The following ERLIN2 variants were observed in gnomAD, a reference collection of about 807,000 sequenced individuals.
ERLIN2 encodes the protein ER lipid raft associated 2.
Under a neutral mutation model 41.5 loss-of-function variants are expected in ERLIN2, and 22 were observed. The observed-to-expected ratio is 0.53, with a 90% CI of 0.38 to 0.76. ERLIN2 has a LOEUF of 0.76. Among genes scored for constraint, ERLIN2 ranks in the 30% least tolerant of loss-of-function variants. The pLI, the probability that ERLIN2 is intolerant of heterozygous loss-of-function variation, is 0.00. For synonymous variants in ERLIN2, 149 were observed against 150.9 expected (o/e 0.99, Z 0.09); for missense variants, 247 against 414.3 (o/e 0.60, Z 3.51).
chr8:37,738,511 G>A (rs1444770948), intron 2 of ERLIN2, among the ~76,000 whole-genome samples: 1 of 152,046 alleles, frequency 6.6e-6, no homozygotes, highest in African/African-American at 2.4e-5. Context: ...TGCTAATTTG[G>A]GATGCTCTTT....
rs914547272 is a variant in ERLIN2, at chr8:37,755,202, C to T, written c.*1087C>T. 1 of 152,264 alleles carries T rather than the reference C, an allele frequency of 6.6e-6. No individual in the cohort carries two copies. The highest frequency in any genetic ancestry group is 2.4e-5 in the African/African-American group (1 of 41,452). 9.4% of individuals were successfully genotyped at this position (152,264 alleles called of 1,614,324 possible). On this transcript the variant is annotated 3_prime_UTR_variant, in exon 12 of 12. Transcript: ENST00000519638. ...CAGGGCTGCAGGCAGCAACGCAAGT[C>T]AGGCTGAACATTCAGTCTCCAGAGA...
Position 37,740,265 on chromosome 8 carries a change from A to G in ERLIN2, c.108-100A>G, listed in dbSNP as rs148889207. 466 of 798,926 alleles carry G rather than the reference A, an allele frequency of 5.8e-4. 3 individuals are homozygous for G. The African/African-American group carries it at 7.3e-3, about 13-fold the overall frequency. The allele number at this position is 798,926 out of a possible 1,614,324, so 49.5% of individuals were successfully genotyped here. On this transcript the variant is annotated intron_variant, in intron 2 of 11. Transcript: ENST00000519638. ...TGCAGCACATGTCACTCTCTATTATATGTTTATAGGGCTGAAGGGAAAGTT... is the reference window on the plus strand; with the variant it reads ...TGCAGCACATGTCACTCTCTATTATGTGTTTATAGGGCTGAAGGGAAAGTT...
rs115848992 is a variant in ERLIN2 at position 37,743,941 on chromosome 8, G to T, written c.237-414G>T. On this transcript the variant is annotated intron_variant, in intron 4 of 11. Coordinates refer to ENST00000519638, the MANE Select transcript of ERLIN2 (RefSeq NM_007175.8). ...ATAAATATTTGAGGGCAAAGGGAGT[G>T]TGACACCAAAGTAATAGTGAAGACA... Among the ~76,000 whole-genome samples the T allele has an allele frequency of 3.5e-3, 530 of 152,316 alleles. 3 individuals are homozygous for T. Among genetic ancestry groups the T allele is most frequent in the African/African-American group, 0.012 (500 of 41,562 alleles).
At chr8:37,743,957 A>G (rs1802946301) in intron 4 of ERLIN2, among the ~76,000 whole-genome samples, 1 of 152,268 alleles carries the variant, frequency 6.6e-6, no homozygotes, top group Non-Finnish European at 1.5e-5. Flanking sequence ...CCAAAGTAAT[A>G]GTGAAGACAG....
chr8:37,744,289 A>G (rs1802957775), intron 4 of ERLIN2, 66 bp from the exon 5 acceptor site: 1 of 1,334,490 alleles, frequency 7.5e-7, no homozygotes, highest in Non-Finnish European at 1.1e-6. Context: ...TTACGCCATC[A>G]CCCTGGGGGA....
chr8:37,749,547 T>C lies in ERLIN2; in HGVS notation c.425-12T>C. The C allele has an allele frequency of 6.2e-7, 1 of 1,604,604 alleles. No individual in the cohort carries two copies. Among genetic ancestry groups the C allele is most frequent in the Non-Finnish European group, 8.5e-7 (1 of 1,171,326 alleles). ...TAACAACTCCTTTTTCTCCATCTTT[T>C]CTTTATTCCAGATCAGATTGATGAA... On this transcript the variant is annotated splice_polypyrimidine_tract_variant and intron_variant, in intron 6 of 11. Transcript: ENST00000519638.
Position 37,753,468 on chromosome 8 carries a change from G to C in ERLIN2, c.758G>C (p.Arg253Pro). ...SEIEDAAFLA[R>P]EKAKADAECY... The stretch of plus-strand genomic sequence containing the variant: ...CCCTCAGATGCTGCATTTCTGGCCC[G>C]GGAGAAGGCAAAGGCAGATGCTGAG... The change falls in exon 11 of 12, where the codon CGG (arginine) becomes CCG (proline). Residue 253 changes from arginine to proline, a missense_variant. By Grantham distance (103) the Arg-to-Pro change is moderately radical. Transcript: ENST00000519638. The C allele has an allele frequency of 6.2e-7, 1 of 1,614,092 alleles. No individual in the cohort carries two copies. Among genetic ancestry groups the C allele is most frequent in the Non-Finnish European group, 8.5e-7 (1 of 1,179,998 alleles).
In ERLIN2 at chr8:37,749,619, G is replaced by A. The variant is rs769448393; in HGVS notation, c.485G>A (p.Gly162Glu). ...CAGGACCTGACCTCCATGGCCCCTG[G>A]GCTGGTCATTCAAGTAAGCATTGCT... Reference protein sequence around the residue: ...LQQDLTSMAPGLVIQAVRVTK... With the variant: ...LQQDLTSMAPELVIQAVRVTK... The change falls in exon 7 of 12, where the codon GGG becomes GAG. Residue 162 changes from glycine to glutamate, a missense_variant. Around this residue, in one of 3 missense-constraint regions of ERLIN2, gnomAD observed 153 missense variants for 256.4 expected, o/e 0.60. Coordinates refer to ENST00000519638, the MANE Select transcript of ERLIN2 (RefSeq NM_007175.8). 1 of 1,613,344 alleles carries A rather than the reference G, an allele frequency of 6.2e-7. No individual in the cohort carries two copies. Among genetic ancestry groups the A allele is most frequent in the Non-Finnish European group, 8.5e-7 (1 of 1,179,418 alleles).
chr8:37,741,894 C>T lies in ERLIN2; in HGVS notation c.236+76C>T. On this transcript the variant is annotated intron_variant, in intron 4 of 11. Transcript: ENST00000519638. This position sits in a 1 kb window ranked among gnomAD's most constrained non-coding sequence, Gnocchi z 4.8. The stretch of plus-strand genomic sequence containing the variant: ...CTGTCTGGCTGGTTGCAGGAAGAGA[C>T]AGTGAAAAGGGAGGCACCCTTTCTT... 2.5e-6 allele frequency: 3 copies of T among 1,178,874 alleles called. No individual in the cohort carries two copies. Among genetic ancestry groups the T allele is most frequent in the Non-Finnish European group, 3.8e-6 (3 of 784,860 alleles). 73.0% of individuals were successfully genotyped at this position (1,178,874 alleles called of 1,614,324 possible).
chr8:37,742,508 C>T (rs1802886449), intron 4 of ERLIN2, among the ~76,000 whole-genome samples: 1 of 151,604 alleles, frequency 6.6e-6, no homozygotes, highest in Non-Finnish European at 1.5e-5. Flanking sequence ...TTGCACGGGA[C>T]ATGGATGGAG....
chr8:37,739,908 C>T (rs773178860), intron 2 of ERLIN2, among the ~76,000 whole-genome samples: 17 of 151,980 alleles, frequency 1.1e-4, no homozygotes, highest in Non-Finnish European at 2.4e-4. Context: ...CAGGCTCAAG[C>T]AATTCTTACA....
intron 3 of ERLIN2, chr8:37,740,786 T>C (rs756493175): frequency 2.0e-5 from 3 of 152,796 alleles, no homozygotes; most frequent in Non-Finnish European, 4.4e-5. Context: ...TGATTCTTAT[T>C]TGAATTCAGA....
chr8:37,747,806 T>C lies in ERLIN2; in HGVS notation c.425-1753T>C, dbSNP rs577351107. 3.2e-5 allele frequency: 51 copies of C among 1,614,184 alleles called. No homozygotes were observed. The South Asian group carries it at 5.2e-4, about 16-fold the overall frequency. Reference sequence around the variant, plus strand: ...TCTTCGTCTTCTGTGTTACAAAACTTATGGGCATGTTTGGCAGCATCAATC... The same window carrying C: ...TCTTCGTCTTCTGTGTTACAAAACTCATGGGCATGTTTGGCAGCATCAATC... On this transcript the variant is annotated intron_variant, in intron 6 of 11. Transcript: ENST00000519638.
rs562954496 is a variant in ERLIN2 at position 37,750,577 on chromosome 8, A to G, written c.649+91A>G. The G allele has an allele frequency of 9.4e-6, 10 of 1,061,232 alleles. No homozygotes were observed. The East Asian group carries it at 1.9e-4, about 20-fold the overall frequency. 65.7% of individuals were successfully genotyped at this position (1,061,232 alleles called of 1,614,324 possible). ...GGAGGCTAAGGCCTGGTGAGACCCC[A>G]TGGTCCTCCAAACCACTTCCACAGC... On this transcript the variant is annotated intron_variant, in intron 9 of 11. Coordinates refer to ENST00000519638, the MANE Select transcript of ERLIN2 (RefSeq NM_007175.8).
At chr8:37,749,486 C>T in intron 6 of ERLIN2, 73 bp from the exon 7 acceptor site, 1 of 1,030,208 alleles carries the variant, frequency 9.7e-7, no homozygotes, top group South Asian at 1.3e-5. Flanking sequence ...TGAGCTTGCA[C>T]TTTACCTCAT....
chr8:37,748,109 A>T, intron 6 of ERLIN2: 1 of 779,262 alleles, frequency 1.3e-6, no homozygotes, highest in Non-Finnish European at 2.2e-6. Context: ...CCTTAGTAAT[A>T]CAATTTAAAT....
intron 2 of ERLIN2, 113 bp from the exon 3 acceptor site, chr8:37,740,252 C>T (rs1239761180): frequency 1.3e-6 from 1 of 758,950 alleles, no homozygotes; most frequent in African/African-American, 1.7e-5. Flanking sequence ...CAGCACATGT[C>T]ACTCTCTATT....
Position 37,737,993 on chromosome 8 carries a change from A to C in ERLIN2, c.71A>C (p.His24Pro). The C allele has an allele frequency of 6.2e-7, 1 of 1,614,174 alleles. No homozygotes were observed. Among genetic ancestry groups the C allele is most frequent in the Non-Finnish European group, 8.5e-7 (1 of 1,180,028 alleles). ...FFCASLFSAV[H>P]KIEEGHIGVY... ...TGTGCATCTCTCTTCTCAGCTGTGC[A>C]CAAGATAGAAGAGGGACATATTGGG... The change falls in exon 2 of 12, where the codon CAC (histidine) becomes CCC (proline). Residue 24 changes from histidine (H) to proline (P), a missense_variant. By Grantham distance (77) the His-to-Pro change is moderately conservative. Around this residue, in one of 3 missense-constraint regions of ERLIN2, gnomAD observed 93 missense variants for 139.0 expected, o/e 0.67. Transcript: ENST00000519638.
chr8:37,737,985 A>G lies in ERLIN2; in HGVS notation c.63A>G (p.Ser21=). Residue 21 remains serine (S), a synonymous_variant, in exon 2 of 12, where the codon TCA becomes TCG. Coordinates refer to ENST00000519638, the MANE Select transcript of ERLIN2 (RefSeq NM_007175.8). ...GTTTCTTTTGTGCATCTCTCTTCTCAGCTGTGCACAAGATAGAAGAGGGAC... is the reference window on the plus strand; with the variant it reads ...GTTTCTTTTGTGCATCTCTCTTCTCGGCTGTGCACAAGATAGAAGAGGGAC... ...ASSFFCASLF[S]AVHKIEEGHI... 6.2e-7 allele frequency: 1 copy of G among 1,614,068 alleles called. No individual in the cohort carries two copies. The highest frequency in any genetic ancestry group is 8.5e-7 in the Non-Finnish European group (1 of 1,179,944).
Sources: gnomAD v4.1 joint callset for allele counts (sites outside exome capture counted in the v4.1 genomes callset) on GRCh38, gnomAD v4.1.1 for gene constraint, gnomAD v4.1.1 regional missense constraint, Gnocchi (gnomAD v3.1) non-coding constraint, MANE v1.5 for transcripts, NCBI Gene and HGNC (gene_info 2026-07-23, HGNC 2026-07-21) for gene names.